Variants in ACTN2 observed in about 807,000 individuals in gnomAD.
The protein encoded by ACTN2 is actinin alpha 2.
In ACTN2, 39 loss-of-function variants were observed where a neutral mutation model predicts 113.8. The observed-to-expected ratio is 0.34, with a 90% CI of 0.27 to 0.45. The LOEUF is 0.45. ACTN2 is among the 20% of genes least tolerant of loss of function. ACTN2 has a pLI of 1.00. For missense variants in ACTN2, 992 were observed against 1,177.9 expected (o/e 0.84, Z 2.31); for synonymous variants, 429 against 444.1 (o/e 0.97, Z 0.43).
In ACTN2 at chr1:236,754,010, A is replaced by G. The variant is rs1659477097; in HGVS notation, c.1903A>G (p.Asn635Asp). The change falls in exon 16 of 21, where the codon AAC (asparagine) becomes GAC (aspartate). Residue 635 changes from asparagine (N) to aspartate (D), a missense_variant. Physicochemically the swap from Asn to Asp is conservative, Grantham distance 23. This residue lies in a region of ACTN2 where 736 missense variants were observed against 815.4 expected (regional missense o/e 0.90). Transcript: ENST00000366578. The surrounding 1 kb of genome is among the most constrained non-coding windows in gnomAD (Gnocchi z 4.9). Reference protein sequence around the residue: ...LQEELARQHANERLRRQFAAQ... With the variant: ...LQEELARQHADERLRRQFAAQ... Reference sequence around the variant, plus strand: ...GGAGGAGCTGGCTCGCCAGCATGCTAACGAGCGTCTGAGGCGCCAGTTTGC... The same window carrying G: ...GGAGGAGCTGGCTCGCCAGCATGCTGACGAGCGTCTGAGGCGCCAGTTTGC... The G allele has an allele frequency of 6.2e-7, 1 of 1,614,148 alleles. No homozygotes were observed. Among genetic ancestry groups the G allele is most frequent in the Non-Finnish European group, 8.5e-7 (1 of 1,180,026 alleles).
intron 1 of ACTN2, among the ~76,000 whole-genome samples, chr1:236,713,432 G>A (rs967760222): frequency 6.6e-6 from 1 of 152,054 alleles, no homozygotes. Flanking sequence ...TCTCCGTGTT[G>A]GTCAGGCTGG....
rs1398400731 is a variant in ACTN2 at position 236,737,319 on chromosome 1, T to A, written c.876+105T>A. 4.8e-3 allele frequency: 607 copies of A among 126,860 alleles called. 4 individuals carry two copies. Among genetic ancestry groups the A allele is most frequent in the South Asian group, 8.9e-3 (102 of 11,424 alleles). 7.9% of individuals were successfully genotyped at this position (126,860 alleles called of 1,614,324 possible). ...GGGGCATATATATATATATATATAT[T>A]TTGCATTTTTCATCTCAGATAGGAT... On this transcript the variant is annotated intron_variant, in intron 9 of 20. Transcript: ENST00000366578.
chr1:236,745,934 T>A (rs537946143), intron 12 of ACTN2, among the ~76,000 whole-genome samples: 1 of 151,568 alleles, frequency 6.6e-6, no homozygotes, highest in East Asian at 1.9e-4. Flanking sequence ...GAGGCTGAGG[T>A]GGGCTGATCA....
At chr1:236,712,520 G>GTA (rs1658057079) in intron 1 of ACTN2, among the ~76,000 whole-genome samples, 1 of 152,092 alleles carries the variant, frequency 6.6e-6, no homozygotes, top group Non-Finnish European at 1.5e-5. Context: ...TACCTTCATT[G>GTA]TATATATATC....
chr1:236,762,940 A>G lies in ACTN2; in HGVS notation c.*321A>G. ...TTAGGAGGATCTAGGGACAGAAGGA[A>G]AGTGAAAAATGTGAAAATACAAAAT... On this transcript the variant is annotated 3_prime_UTR_variant, in exon 21 of 21. Transcript: ENST00000366578. 1 of 353,316 alleles carries G rather than the reference A, an allele frequency of 2.8e-6. No homozygotes were observed. The highest frequency in any genetic ancestry group is 7.0e-5 in the East Asian group (1 of 14,340). 21.9% of individuals were successfully genotyped at this position (353,316 alleles called of 1,614,324 possible).
chr1:236,692,006 C>G (rs1277980598), intron 1 of ACTN2, among the ~76,000 whole-genome samples: 1 of 152,216 alleles, frequency 6.6e-6, no homozygotes, highest in Admixed American at 6.5e-5. Flanking sequence ...ATGCAGAGCT[C>G]CAGAGGTTTT....
intron 1 of ACTN2, among the ~76,000 whole-genome samples, chr1:236,702,935 A>G (rs979532418): frequency 6.6e-5 from 10 of 152,196 alleles, no homozygotes; most frequent in Non-Finnish European, 4.4e-5. Flanking sequence ...TGAAAATAGT[A>G]GCAGTATGGT....
chr1:236,706,141 A>C (rs866155676), intron 1 of ACTN2, among the ~76,000 whole-genome samples: 6 of 151,420 alleles, frequency 4.0e-5, no homozygotes, highest in African/African-American at 1.5e-4. Context: ...AGATTATAGA[A>C]TCTTTCTTAA....
In ACTN2 at chr1:236,728,196, T is replaced by C. The variant is rs946082201; in HGVS notation, c.615+440T>C. Among the ~76,000 whole-genome samples the C allele has an allele frequency of 8.2e-5, 12 of 145,938 alleles. No individual in the cohort carries two copies. The South Asian group carries it at 2.4e-3, about 29-fold the overall frequency. On this transcript the variant is annotated intron_variant, in intron 6 of 20. Transcript: ENST00000366578. ...TCTCGCTCTGTTGCCCAAGCTGGAG[T>C]GCAGTGGTGTGATCTCGGCTCACAG...
chr1:236,753,768 A>G (rs1001438561), intron 15 of ACTN2, 179 bp from the exon 16 acceptor site: 1 of 755,406 alleles, frequency 1.3e-6, no homozygotes, highest in Non-Finnish European at 2.3e-6. Context: ...CTCATCCTGT[A>G]GTCCCTAGAC....
At chr1:236,686,910 G>A (rs965612559) in intron 1 of ACTN2, 111 bp downstream of exon 1, 214 of 1,206,348 alleles carry the variant, frequency 1.8e-4, no homozygotes, top group Non-Finnish European at 2.0e-4. Flanking sequence ...CTTTGTGGAG[G>A]TGCTGTGCTG....
intron 8 of ACTN2, chr1:236,736,698 T>A (rs988252147): frequency 7.1e-7 from 1 of 1,412,598 alleles, no homozygotes; most frequent in Non-Finnish European, 9.6e-7. Context: ...CCCCAGTTAT[T>A]TTTGCCTTGA....
At chr1:236,729,311 G>A (rs1341992711) in intron 6 of ACTN2, among the ~76,000 whole-genome samples, 2 of 152,124 alleles carry the variant, frequency 1.3e-5, no homozygotes, top group Non-Finnish European at 1.5e-5. Flanking sequence ...GCGACAGAGC[G>A]AGACTCAGTT....
At chr1:236,690,333 C>G (rs969857497) in intron 1 of ACTN2, among the ~76,000 whole-genome samples, 1 of 152,170 alleles carries the variant, frequency 6.6e-6, no homozygotes, top group Non-Finnish European at 1.5e-5. Flanking sequence ...CTCTTCCTGC[C>G]TAATGACACA....
intron 1 of ACTN2, among the ~76,000 whole-genome samples, chr1:236,709,253 TATACACAC>T (rs1433524373): frequency 1.4e-5 from 1 of 70,206 alleles, no homozygotes; most frequent in Admixed American, 1.7e-4. Flanking sequence ...TATATATATA[TATACACAC>T]ACACACACAC....
intron 6 of ACTN2, 56 bp from the exon 7 acceptor site, chr1:236,731,177 A>G (rs2102911043): frequency 3.6e-6 from 5 of 1,378,512 alleles, no homozygotes; most frequent in Admixed American, 1.7e-5. Flanking sequence ...AACATTCTTC[A>G]TAAGTCTTGT....
chr1:236,690,262 C>T (rs1305101575), intron 1 of ACTN2, among the ~76,000 whole-genome samples: 3 of 152,146 alleles, frequency 2.0e-5, no homozygotes, highest in African/African-American at 4.8e-5. Context: ...TGGGAGCCTT[C>T]GAGTTGCCCC....
At chr1:236,700,313 G>T (rs10925200) in intron 1 of ACTN2, among the ~76,000 whole-genome samples, 30,514 of 152,058 alleles carry the variant, frequency 0.2, 3,668 homozygotes, top group African/African-American at 0.34. Context: ...CTCCCGAGTA[G>T]CTGGGATTAC....
At chr1:236,746,480 G>A (rs1281921164) in intron 12 of ACTN2, among the ~76,000 whole-genome samples, 1 of 152,086 alleles carries the variant, frequency 6.6e-6, no homozygotes, top group Non-Finnish European at 1.5e-5. Flanking sequence ...GGCTGAGGAG[G>A]TAGGACTGCT....
Sources: allele counts gnomAD v4.1 joint callset (sites outside exome capture counted in the v4.1 genomes callset), GRCh38; gene constraint gnomAD v4.1.1; regional missense constraint gnomAD v4.1.1; non-coding constraint Gnocchi (gnomAD v3.1); transcripts MANE v1.5; gene names NCBI Gene and HGNC (gene_info 2026-07-23, HGNC 2026-07-21).